The following VOPP1 variants were observed in gnomAD, a reference collection of about 807,000 sequenced individuals.
The protein encoded by VOPP1 is WW domain binding protein VOPP1.
Under a neutral mutation model 23.5 loss-of-function variants are expected in VOPP1, and 8 were observed. The observed-to-expected ratio is 0.34, with a 90% confidence interval of 0.20 to 0.61. The LOEUF (loss-of-function observed/expected upper bound fraction) is 0.61, where lower values mean the gene tolerates loss of function less well. Among genes scored for constraint, VOPP1 ranks in the 20% least tolerant of loss-of-function variants. VOPP1 has a pLI of 0.78. For synonymous variants in VOPP1, 83 were observed against 97.3 expected (o/e 0.85, Z 0.86); for missense variants, 174 against 238.1 (o/e 0.73, Z 1.77).
chr7:55,497,568 G>GGC, intron 3 of VOPP1, 45 bp downstream of exon 3: 21 of 1,113,928 alleles, frequency 1.9e-5, no homozygotes, highest in Non-Finnish European at 2.7e-5. Flanking sequence ...GGGGGGGGGG[G>GGC]GGCAGAGCTC....
At position 55,443,644 on chromosome 7, in the gene VOPP1, C is replaced by T. The variant is rs1210702005; in HGVS notation, n.418-7470G>A. Among the ~76,000 whole-genome samples the T allele has an allele frequency of 5.8e-4, 78 of 133,774 alleles. 2 individuals carry two copies. Among genetic ancestry groups the T allele is most frequent in the Non-Finnish European group, 1.6e-5 (1 of 63,190 alleles). The allele number at this position is 133,774 out of a possible 152,430, so 87.8% of individuals were successfully genotyped here. ...TAAAGATATGAAGGAATTATTGTCC[C>T]TTTTTTTTTTTTTTTTTGAGACGGA... On this transcript the variant is annotated intron_variant and non_coding_transcript_variant, in intron 4 of 4. Coordinates refer to the VOPP1 transcript ENST00000462326.
At chr7:55,465,057 C>T in intron 4 of VOPP1, among the ~76,000 whole-genome samples, 1 of 152,146 alleles carries the variant, frequency 6.6e-6, no homozygotes, top group East Asian at 1.9e-4. Context: ...GCTTTGCTTC[C>T]CTCTCCTTCC....
chr7:55,486,603 G>A (rs1793164343), intron 4 of VOPP1, among the ~76,000 whole-genome samples: 2 of 152,164 alleles, frequency 1.3e-5, no homozygotes, highest in Non-Finnish European at 2.9e-5. Context: ...CAATTCCTGG[G>A]CGTCACCAAG....
chr7:55,553,547 G>T (rs768892401), intron 1 of VOPP1, among the ~76,000 whole-genome samples: 5 of 151,862 alleles, frequency 3.3e-5, no homozygotes, highest in African/African-American at 4.8e-5. Flanking sequence ...ATCCCTTAAC[G>T]AAACCAATGA....
At chr7:55,479,806 G>A (rs1399011391) in intron 4 of VOPP1, among the ~76,000 whole-genome samples, 3 of 152,186 alleles carry the variant, frequency 2.0e-5, no homozygotes, top group Non-Finnish European at 2.9e-5. Flanking sequence ...ACAGTGGAAG[G>A]CTTGAGCCTG....
intron 4 of VOPP1, among the ~76,000 whole-genome samples, chr7:55,447,672 T>C (rs935047103): frequency 6.6e-6 from 1 of 152,242 alleles, no homozygotes; most frequent in Non-Finnish European, 1.5e-5. Context: ...TAAATATACG[T>C]GTACATATAC....
chr7:55,483,922 A>G (rs182792362), intron 4 of VOPP1, among the ~76,000 whole-genome samples: 4 of 152,200 alleles, frequency 2.6e-5, no homozygotes, highest in East Asian at 1.9e-4. Flanking sequence ...ATGCCTGGCT[A>G]ATTTTTGTAT....
At position 55,515,804 on chromosome 7, in the gene VOPP1, C is replaced by T. The variant is rs367726751; in HGVS notation, c.113+5268G>A. The T allele has an allele frequency of 5.7e-4, 105 of 183,710 alleles. 2 individuals are homozygous for T. In the East Asian group the frequency reaches 0.012, roughly 20 times the overall value. 11.4% of individuals were successfully genotyped at this position (183,710 alleles called of 1,614,324 possible). A position where few individuals can be genotyped will look rare whatever the true frequency, so the allele number is the denominator to read the frequency against. ...ACACCTGAACATCGGACTGAGTTCC[C>T]GCATGTGGACCTGCGTCTAGGCTCT... On this transcript the variant is annotated intron_variant, in intron 2 of 4. Transcript: ENST00000285279.
chr7:55,546,583 T>C (rs1049487062), intron 1 of VOPP1, among the ~76,000 whole-genome samples: 8 of 152,254 alleles, frequency 5.3e-5, no homozygotes, highest in African/African-American at 1.9e-4. Flanking sequence ...ATTAAATTAG[T>C]GGAAACTGGG....
At chr7:55,495,485 C>T (rs1341802054) in intron 3 of VOPP1, among the ~76,000 whole-genome samples, 2 of 152,206 alleles carry the variant, frequency 1.3e-5, no homozygotes, top group Non-Finnish European at 2.9e-5. Flanking sequence ...TTTAACACAT[C>T]CACTCTTCTT....
chr7:55,520,509 C>T (rs1795768507), intron 2 of VOPP1, among the ~76,000 whole-genome samples: 1 of 152,150 alleles, frequency 6.6e-6, no homozygotes, highest in Non-Finnish European at 1.5e-5. Flanking sequence ...TGCAGCAATG[C>T]CCTCATTACA....
intron 2 of VOPP1, among the ~76,000 whole-genome samples, chr7:55,505,651 AAGGGAGGGAGGGAGGGAGGGAGGG>A (rs56047831): frequency 0.44 from 34,928 of 78,574 alleles, 7,724 homozygotes; most frequent in East Asian, 0.62. Flanking sequence ...GGAAGGAAGG[AAGGGAGGGAGGGAGGGAGGGAGGG>A]AGGGAGGGAG....
Position 55,564,974 on chromosome 7 carries a change from C to G in VOPP1, c.54+7297G>C, listed in dbSNP as rs1033728168. On this transcript the variant is annotated intron_variant, in intron 1 of 4. Coordinates refer to ENST00000285279, the MANE Select transcript of VOPP1 (RefSeq NM_030796.5). ...AGATATGCCCTATGCTTGAAGCAAGCAATTGATCGATTTCAAACCTAATTT... is the reference window on the plus strand; with the variant it reads ...AGATATGCCCTATGCTTGAAGCAAGGAATTGATCGATTTCAAACCTAATTT... 4.6e-4 allele frequency among the ~76,000 whole-genome samples: 70 copies of G among 152,160 alleles called. 1 individual carries two copies. Among genetic ancestry groups the G allele is most frequent in the African/African-American group, 1.5e-3 (61 of 41,432 alleles).
At chr7:55,489,263 G>C (rs915222323) in intron 4 of VOPP1, among the ~76,000 whole-genome samples, 5 of 152,174 alleles carry the variant, frequency 3.3e-5, no homozygotes, top group Admixed American at 1.3e-4. Context: ...GGATATCCTG[G>C]GATCAGCCAC....
chr7:55,451,159 A>G (rs1791233797), intron 4 of VOPP1, among the ~76,000 whole-genome samples: 1 of 152,088 alleles, frequency 6.6e-6, no homozygotes, highest in Admixed American at 6.5e-5. Context: ...CACCCACCAC[A>G]CCATTTATAG....
chr7:55,482,552 G>A (rs543599724), intron 4 of VOPP1, among the ~76,000 whole-genome samples: 1 of 151,160 alleles, frequency 6.6e-6, no homozygotes, highest in African/African-American at 2.4e-5. Flanking sequence ...AGGGAGGTAG[G>A]GCGGTCTCGA....
At chr7:55,532,398 T>C (rs796564480) in intron 1 of VOPP1, among the ~76,000 whole-genome samples, 5 of 152,138 alleles carry the variant, frequency 3.3e-5, no homozygotes, top group Non-Finnish European at 5.9e-5. Context: ...GCGAACCACC[T>C]GGCGCATGCC....
intron 2 of VOPP1, 67 bp downstream of exon 2, chr7:55,521,005 T>C (rs1795809253): frequency 2.6e-6 from 4 of 1,517,798 alleles, no homozygotes; most frequent in Non-Finnish European, 1.8e-6. Context: ...CCCAGAACTT[T>C]AGCAAGACAA....
At chr7:55,524,961 T>A (rs1158682348) in intron 1 of VOPP1, among the ~76,000 whole-genome samples, 2 of 151,918 alleles carry the variant, frequency 1.3e-5, no homozygotes, top group African/African-American at 4.8e-5. Context: ...ATAAGAGGGA[T>A]CTTCAGAGTA....
Sources: gnomAD v4.1 joint callset for allele counts (sites outside exome capture counted in the v4.1 genomes callset) on GRCh38, gnomAD v4.1.1 for gene constraint, MANE v1.5 for transcripts, NCBI Gene and HGNC (gene_info 2026-07-23, HGNC 2026-07-21) for gene names.